Variants in GCM2 observed in about 807,000 individuals in gnomAD.
GCM2 encodes the protein GCM transcription factor 2, also known as chorion-specific transcription factor GCMb.
GCM2 carries 21 observed loss-of-function variants against 24.8 expected under a neutral mutation model. The observed-to-expected ratio is 0.85, with a 90% confidence interval of 0.60 to 1.22. The LOEUF (loss-of-function observed/expected upper bound fraction) is 1.22. Ranked by LOEUF, GCM2 falls within the 50% of genes most tolerant of loss-of-function variation. The probability of loss-of-function intolerance (pLI) is 0.00; values close to 1 mark genes in which losing one functional copy is unlikely to be tolerated. For missense variants in GCM2, 532 were observed against 645.6 expected, an observed-to-expected ratio of 0.82 and a Z score of 1.91; for synonymous variants, 222 against 238.0, an observed-to-expected ratio of 0.93 and a Z score of 0.62.
chr6:10,881,481 A>C (rs927611775), intron 1 of GCM2, among the ~76,000 whole-genome samples: 2 of 150,552 alleles, frequency 1.3e-5, no homozygotes, highest in East Asian at 3.9e-4. Flanking sequence ...TCTAAACCCA[A>C]CTCAGCCTTT....
chr6:10,878,903 A>G (rs1362681025), intron 1 of GCM2, among the ~76,000 whole-genome samples: 1 of 152,214 alleles, frequency 6.6e-6, no homozygotes. Flanking sequence ...AAGAGTGTAT[A>G]ATAGCAGTAA....
In GCM2 at chr6:10,873,635, T is replaced by C. The variant is rs1779834426; in HGVS notation, c.*360A>G. On this transcript the variant is annotated 3_prime_UTR_variant, in exon 5 of 5. Transcript: ENST00000379491. ...GGATGTGAAATTCCCTAAGGTGCTC[T>C]AATGGGAAAAGTCCTAGAATAAGAA... 6.2e-6 allele frequency: 2 copies of C among 320,460 alleles called. No homozygotes were observed. The highest frequency in any genetic ancestry group is 2.1e-5 in the African/African-American group (1 of 46,662). The allele number at this position is 320,460 out of a possible 1,614,324, so 19.9% of individuals were successfully genotyped here.
rs1344419414 is a variant in GCM2 at position 10,873,844 on chromosome 6, T to C, written c.*151A>G. The C allele has an allele frequency of 1.4e-6, 1 of 706,126 alleles. No individual in the cohort carries two copies. The highest frequency in any genetic ancestry group is 1.7e-5 in the African/African-American group (1 of 57,156). 43.7% of individuals were successfully genotyped at this position (706,126 alleles called of 1,614,324 possible). A position where few individuals can be genotyped will look rare whatever the true frequency, so the allele number is the denominator to read the frequency against. On this transcript the variant is annotated 3_prime_UTR_variant, in exon 5 of 5. Coordinates refer to ENST00000379491, the MANE Select transcript of GCM2 (RefSeq NM_004752.4). ...ATATTATCTAATCATTTCCAACTGA[T>C]TATTTTCTCAGTTACTCAGAATTTT...
rs1779843907 is a variant in GCM2 at position 10,874,296 on chromosome 6, T to C, written c.1220A>G (p.Glu407Gly). The C allele has an allele frequency of 1.9e-6, 3 of 1,614,084 alleles. No homozygotes were observed. In the East Asian group the frequency reaches 6.7e-5, roughly 36 times the overall value. Residue 407 changes from glutamate to glycine, a missense_variant, in exon 5 of 5, where the codon GAG (glutamate) becomes GGG (glycine). Coordinates refer to ENST00000379491, the MANE Select transcript of GCM2 (RefSeq NM_004752.4). ...PAMKYSDSVREVKSLSSCNYA... is the reference protein window; with the variant it reads ...PAMKYSDSVRGVKSLSSCNYA... ...GTTACAGCTCGAAAGGCTCTTCACC[T>C]CTCGCACACTGTCACTGTATTTCAT...
intron 4 of GCM2, among the ~76,000 whole-genome samples, chr6:10,875,604 C>T (rs1289548231): frequency 6.6e-6 from 1 of 152,184 alleles, no homozygotes; most frequent in East Asian, 1.9e-4. Flanking sequence ...ATATTTCTAT[C>T]TTTATTACTG....
intron 4 of GCM2, 66 bp downstream of exon 4, chr6:10,875,825 T>C: frequency 6.6e-7 from 1 of 1,518,092 alleles, no homozygotes; most frequent in Non-Finnish European, 9.1e-7. Context: ...ATATTTTGCA[T>C]AACGATCAGC....
Position 10,874,006 on chromosome 6 carries a change from CATT to C in GCM2, c.1507_1509del (p.Asn503del), listed in dbSNP as rs1252332649. The C allele has an allele frequency of 6.2e-7, 1 of 1,613,654 alleles. No individual in the cohort carries two copies. Among genetic ancestry groups the C allele is most frequent in the Non-Finnish European group, 8.5e-7 (1 of 1,179,626 alleles). ...CCCTGGATTGTCTTTCAAAAATCCT[CATT>C]GTTGTAGGTAAAGAAGGGACCCACT... On this transcript the variant is annotated inframe_deletion, in exon 5 of 5. Transcript: ENST00000379491.
Position 10,876,632 on chromosome 6 carries a change from G to A in GCM2, c.344-75C>T, listed in dbSNP as rs532174267. On this transcript the variant is annotated intron_variant, in intron 2 of 4. Transcript: ENST00000379491. ...GAAGGAAGAAGGGGAAAATTAGCTG[G>A]GAACAAAGAACTCATGCTCGGGCGC... The A allele has an allele frequency of 3.2e-5, 34 of 1,066,118 alleles. 1 individual carries two copies. In the East Asian group the frequency reaches 5.0e-4, roughly 16 times the overall value. The allele number at this position is 1,066,118 out of a possible 1,614,324, so 66.0% of individuals were successfully genotyped here.
chr6:10,881,760 C>G lies in GCM2; in HGVS notation c.34G>C (p.Val12Leu). ...PAAAVQEAVG[V>L]CSYGMQLSWD... ...CTGAGCTGCATCCCGTAGGAGCACA[C>G]GCCGACCGCTTCCTGCACCGCGGCC... Residue 12 changes from valine (V) to leucine (L), a missense_variant, in exon 1 of 5, where the codon GTG becomes CTG. Physicochemically the swap from Val to Leu is conservative, Grantham distance 32 (BLOSUM62 1). Coordinates refer to ENST00000379491, the MANE Select transcript of GCM2 (RefSeq NM_004752.4). The G allele has an allele frequency of 1.2e-6, 2 of 1,610,442 alleles. No individual in the cohort carries two copies. Among genetic ancestry groups the G allele is most frequent in the Non-Finnish European group, 1.7e-6 (2 of 1,179,992 alleles).
chr6:10,881,062 T>TCCCCAA (rs929964188), intron 1 of GCM2, among the ~76,000 whole-genome samples: 1 of 152,226 alleles, frequency 6.6e-6, no homozygotes, highest in African/African-American at 2.4e-5. Flanking sequence ...TCCCCAAGAC[T>TCCCCAA]GGGAATGTGG....
chr6:10,878,318 T>C (rs939856708), intron 1 of GCM2, among the ~76,000 whole-genome samples: 1 of 152,140 alleles, frequency 6.6e-6, no homozygotes, highest in Non-Finnish European at 1.5e-5. Context: ...TACTGAGCAC[T>C]TCCTTTTTTC....
chr6:10,881,973 G>GT lies in GCM2; in HGVS notation c.-181dup. 1 of 638,602 alleles carries GT rather than the reference G, an allele frequency of 1.6e-6. No individual in the cohort carries two copies. Among genetic ancestry groups the GT allele is most frequent in the Non-Finnish European group, 2.8e-6 (1 of 357,050 alleles). 39.6% of individuals were successfully genotyped at this position (638,602 alleles called of 1,614,324 possible). ...AGATATCTGGAAGCTGGGGACAATG[G>GT]TTATGGACCCGGGCGGGGCCTTGTC... On this transcript the variant is annotated 5_prime_UTR_variant, in exon 1 of 5. The change creates a premature stop within an existing upstream ORF in the 5' untranslated region. Transcript: ENST00000379491.
At chr6:10,877,445 C>A in intron 1 of GCM2, 53 bp from the exon 2 acceptor site, 4 of 1,597,372 alleles carry the variant, frequency 2.5e-6, no homozygotes, top group Non-Finnish European at 3.4e-6. Flanking sequence ...AAACTGCACA[C>A]ATCATGCTCT....
rs912635989 is a variant in GCM2 at position 10,881,930 on chromosome 6, AAGAG to A, written c.-141_-138del. On this transcript the variant is annotated 5_prime_UTR_variant, in exon 1 of 5. Transcript: ENST00000379491. ...TGAAGGGGAGGTGCAGAGAGAGAGAAAGAGAGAGAGGCTGTTTAGATATCTGGAA... is the reference window on the plus strand; with the variant it reads ...TGAAGGGGAGGTGCAGAGAGAGAGAAAGAGAGGCTGTTTAGATATCTGGAA... 1.4e-6 allele frequency: 1 copy of A among 721,002 alleles called. No individual in the cohort carries two copies. Among genetic ancestry groups the A allele is most frequent in the Admixed American group, 2.0e-5 (1 of 48,788 alleles). The allele number at this position is 721,002 out of a possible 1,614,324, so 44.7% of individuals were successfully genotyped here. A position where few individuals can be genotyped will look rare whatever the true frequency, so the allele number is the denominator to read the frequency against.
chr6:10,876,633 G>T, intron 2 of GCM2, 76 bp from the exon 3 acceptor site: 1 of 1,033,174 alleles, frequency 9.7e-7, no homozygotes, highest in Non-Finnish European at 1.5e-6. Flanking sequence ...AATTAGCTGG[G>T]AACAAAGAAC....
intron 1 of GCM2, among the ~76,000 whole-genome samples, 147 bp downstream of exon 1, chr6:10,881,551 GGTATGT>G (rs1359072716): frequency 4.8e-4 from 61 of 128,254 alleles, no homozygotes; most frequent in South Asian, 1.5e-3. Flanking sequence ...AAATTTTGCG[GGTATGT>G]GTGTGTGTGT....
rs1415492900 is a variant in GCM2 at position 10,874,760 on chromosome 6, T to C, written c.756A>G (p.Gly252=). Residue 252 remains glycine (G), a synonymous_variant, in exon 5 of 5, where the codon GGA becomes GGG. Coordinates refer to ENST00000379491, the MANE Select transcript of GCM2 (RefSeq NM_004752.4). ...KATCDLATFQ[G]DKMPPFQKYS... ...ATTTCTGGAAGGGTGGCATTTTGTC[T>C]CCTTGAAAGGTGGCTAGGTCACAGG... is the stretch of plus-strand genomic sequence containing the variant. 1.2e-6 allele frequency: 2 copies of C among 1,614,112 alleles called. No individual in the cohort carries two copies. The highest frequency in any genetic ancestry group is 1.1e-5 in the South Asian group (1 of 91,088).
chr6:10,881,587 TGTGTGTGTG>T lies in GCM2; in HGVS notation c.90+108_90+116del, dbSNP rs1561673741. 7.9e-4 allele frequency: 550 copies of T among 692,630 alleles called. 2 individuals are homozygous for T. The highest frequency in any genetic ancestry group is 2.4e-3 in the Middle Eastern group (7 of 2,894). 42.9% of individuals were successfully genotyped at this position (692,630 alleles called of 1,614,324 possible). A position where few individuals can be genotyped will look rare whatever the true frequency, so the allele number is the denominator to read the frequency against. ...GTGTGTGTGTGTGTGTGTGTGTGTG[TGTGTGTGTG>T]TGTGTGTGTGTATGGTCCGTCCGCA... is the stretch of plus-strand genomic sequence containing the variant. On this transcript the variant is annotated intron_variant, in intron 1 of 4. Coordinates refer to ENST00000379491, the MANE Select transcript of GCM2 (RefSeq NM_004752.4).
At chr6:10,880,358 G>A (rs1779941644) in intron 1 of GCM2, among the ~76,000 whole-genome samples, 1 of 152,064 alleles carries the variant, frequency 6.6e-6, no homozygotes. Flanking sequence ...AAAAAGTGCT[G>A]ACCTCTATGA....
Sources: gnomAD v4.1 joint callset for allele counts (sites outside exome capture counted in the v4.1 genomes callset) on GRCh38, gnomAD v4.1.1 for gene constraint, MANE v1.5 for transcripts, NCBI Gene and HGNC (gene_info 2026-07-23, HGNC 2026-07-21) for gene names.